The following SLC10A7 variants were observed in gnomAD, a reference collection of about 807,000 sequenced individuals.
The protein encoded by SLC10A7 is sodium/bile acid cotransporter 7.
A neutral mutation model predicts 43.2 loss-of-function variants in SLC10A7; 29 were observed. The ratio of observed to expected loss-of-function variants is 0.67; its 90% CI spans 0.50 to 0.92. SLC10A7 has a LOEUF of 0.92. Among genes scored for constraint, SLC10A7 ranks in the 40% least tolerant of loss-of-function variants. The pLI is 0.00. For synonymous variants in SLC10A7, 152 were observed against 144.8 expected (o/e 1.05, Z -0.35); for missense variants, 295 against 403.2 (o/e 0.73, Z 2.30).
intron 5 of SLC10A7, among the ~76,000 whole-genome samples, chr4:146,364,004 A>G (rs1410330624): frequency 6.6e-6 from 1 of 152,080 alleles, no homozygotes; most frequent in Non-Finnish European, 1.5e-5. Context: ...GATAAAGATC[A>G]AAGCAGAAAC....
At chr4:146,454,775 T>C (rs1234229459) in intron 4 of SLC10A7, among the ~76,000 whole-genome samples, 1 of 151,872 alleles carries the variant, frequency 6.6e-6, no homozygotes, top group Non-Finnish European at 1.5e-5. Context: ...TAAAAGTAGT[T>C]AAAAGACTAA....
At chr4:146,273,582 C>A (rs1032043978) in intron 10 of SLC10A7, among the ~76,000 whole-genome samples, 1 of 152,046 alleles carries the variant, frequency 6.6e-6, no homozygotes. Context: ...ATAGAGTGAG[C>A]ATCCCCAAAA....
intron 4 of SLC10A7, among the ~76,000 whole-genome samples, chr4:146,448,324 C>T (rs949860028): frequency 2.0e-5 from 3 of 152,060 alleles, no homozygotes; most frequent in East Asian, 1.9e-4. Context: ...AGGCTCTAAA[C>T]GTTATGTTCT....
chr4:146,445,809 ACTCCT>A (rs1366889451), intron 4 of SLC10A7, among the ~76,000 whole-genome samples: 1 of 149,728 alleles, frequency 6.7e-6, no homozygotes, highest in Non-Finnish European at 1.5e-5. Flanking sequence ...CCCTAATCGA[ACTCCT>A]CTCTGACCAT....
intron 5 of SLC10A7, among the ~76,000 whole-genome samples, chr4:146,356,039 T>TA (rs58931920): frequency 1.3e-4 from 18 of 139,812 alleles, no homozygotes; most frequent in Admixed American, 2.8e-4. Context: ...TAAAGTATAA[T>TA]AAAAAAAAAA....
At chr4:146,292,833 G>A (rs1247768297) in intron 9 of SLC10A7, 96 bp downstream of exon 9, 6 of 839,460 alleles carry the variant, frequency 7.1e-6, no homozygotes, top group Non-Finnish European at 9.3e-6. Context: ...TGTAAAAGGA[G>A]AAAAAAATAT....
chr4:146,283,148 T>C (rs781076130), intron 10 of SLC10A7, 44 bp downstream of exon 10: 2 of 1,402,898 alleles, frequency 1.4e-6, no homozygotes, highest in Non-Finnish European at 2.0e-6. Flanking sequence ...AAGATGTAAC[T>C]ATATGAGGGT....
At chr4:146,298,116 T>C (rs1340698217) in intron 7 of SLC10A7, among the ~76,000 whole-genome samples, 1 of 152,172 alleles carries the variant, frequency 6.6e-6, no homozygotes. Flanking sequence ...CCCCAATCCT[T>C]ACTTTGTGAT....
At chr4:146,468,933 G>GGA (rs1334851159) in intron 4 of SLC10A7, among the ~76,000 whole-genome samples, 1 of 151,916 alleles carries the variant, frequency 6.6e-6, no homozygotes, top group African/African-American at 2.4e-5. Context: ...GGGGGTAGGG[G>GGA]GGTACCTTAA....
chr4:146,319,601 C>T (rs910446608), intron 6 of SLC10A7, among the ~76,000 whole-genome samples: 2 of 152,034 alleles, frequency 1.3e-5, no homozygotes, highest in East Asian at 1.9e-4. Flanking sequence ...TATATTCCCA[C>T]ACCTGGGATG....
chr4:146,379,806 A>C (rs116677274), intron 5 of SLC10A7, among the ~76,000 whole-genome samples: 3,232 of 152,256 alleles, frequency 0.021, 103 homozygotes, highest in African/African-American at 0.074. Context: ...ATTATATCAG[A>C]TATATTATTC....
At chr4:146,495,453 A>G (rs1331105874) in intron 4 of SLC10A7, among the ~76,000 whole-genome samples, 3 of 152,296 alleles carry the variant, frequency 2.0e-5, no homozygotes, top group South Asian at 2.1e-4. Flanking sequence ...CCCCAATGAT[A>G]ATGCAAAATA....
At chr4:146,370,012 T>C (rs953131893) in intron 5 of SLC10A7, among the ~76,000 whole-genome samples, 1 of 152,084 alleles carries the variant, frequency 6.6e-6, no homozygotes, top group Non-Finnish European at 1.5e-5. Context: ...ATTCAATAAA[T>C]ATATGTCAGA....
At chr4:146,288,607 T>C (rs1223923782) in intron 9 of SLC10A7, among the ~76,000 whole-genome samples, 3 of 152,190 alleles carry the variant, frequency 2.0e-5, no homozygotes, top group Admixed American at 6.5e-5. Context: ...AGCCATACTC[T>C]GTCAAGGGGG....
In SLC10A7 at chr4:146,434,049, C is replaced by T. The variant is rs563861200; in HGVS notation, c.435+8734G>A. On this transcript the variant is annotated intron_variant, in intron 5 of 11. Coordinates refer to ENST00000335472, the MANE Select transcript of SLC10A7 (RefSeq NM_001029998.6). Reference sequence around the variant, plus strand: ...AATAGCGAAAGAATAAATACTGTATCCAAAAAAATTATAGATTATATTCTA... The same window carrying T: ...AATAGCGAAAGAATAAATACTGTATTCAAAAAAATTATAGATTATATTCTA... 7.9e-5 allele frequency among the ~76,000 whole-genome samples: 12 copies of T among 151,456 alleles called. No individual in the cohort carries two copies. The South Asian group carries it at 2.1e-3, about 26-fold the overall frequency.
chr4:146,503,771 T>C (rs1736636653), intron 4 of SLC10A7, 78 bp downstream of exon 4: 2 of 1,357,946 alleles, frequency 1.5e-6, no homozygotes, highest in Non-Finnish European at 2.1e-6. Flanking sequence ...CAACCCTTCA[T>C]GTCCAAAAAT....
chr4:146,519,112 T>A (rs10000426), intron 1 of SLC10A7, among the ~76,000 whole-genome samples: 5,976 of 15,588 alleles, frequency 0.38, 1,026 homozygotes, highest in South Asian at 0.56. Context: ...TATATATATA[T>A]AATATAATAT....
At chr4:146,334,429 G>T (rs776470678) in intron 5 of SLC10A7, among the ~76,000 whole-genome samples, 1 of 152,124 alleles carries the variant, frequency 6.6e-6, no homozygotes, top group Admixed American at 6.5e-5. Context: ...GAGTAAGGAG[G>T]GAAAAGAGGC....
chr4:146,369,570 G>C (rs1393104425), intron 5 of SLC10A7, among the ~76,000 whole-genome samples: 2 of 152,128 alleles, frequency 1.3e-5, no homozygotes, highest in African/African-American at 4.8e-5. Context: ...TGATGATTCA[G>C]TGAACTTTCA....
Sources: allele counts gnomAD v4.1 joint callset (sites outside exome capture counted in the v4.1 genomes callset), GRCh38; gene constraint gnomAD v4.1.1; transcripts MANE v1.5; gene names NCBI Gene and HGNC (gene_info 2026-07-23, HGNC 2026-07-21).